The following CCDC158 variants were observed in gnomAD, a reference collection of about 807,000 sequenced individuals.
CCDC158 encodes coiled-coil domain containing 158.
CCDC158 carries 116 observed loss-of-function variants against 138.6 expected under a neutral mutation model. The observed-to-expected ratio is 0.84, with a 90% CI of 0.72 to 0.98. The LOEUF (loss-of-function observed/expected upper bound fraction) is 0.98. Among genes scored for constraint, CCDC158 ranks in the 50% least tolerant of loss-of-function variants. CCDC158 has a pLI of 0.00. For synonymous variants in CCDC158, 436 were observed against 442.4 expected, an observed-to-expected ratio of 0.99 and a Z score of 0.18; for missense variants, 1,265 against 1,306.1, an observed-to-expected ratio of 0.97 and a Z score of 0.48.
Position 76,371,392 on chromosome 4 carries a change from T to C in CCDC158, c.1149+25A>G, listed in dbSNP as rs201249064. ...GAAAAACTTCCCAGAATTAGTCTTATTCATATTTTAAAGCATAATCTTACC... is the reference window on the plus strand; with the variant it reads ...GAAAAACTTCCCAGAATTAGTCTTACTCATATTTTAAAGCATAATCTTACC... On this transcript the variant is annotated intron_variant, in intron 10 of 24. Coordinates refer to ENST00000682701, the MANE Select transcript of CCDC158 (RefSeq NM_001394954.1). 69 of 1,610,004 alleles carry C rather than the reference T, an allele frequency of 4.3e-5. 1 individual carries two copies. The highest frequency in any genetic ancestry group is 1.7e-4 in the Middle Eastern group (1 of 6,054).
chr4:76,364,152 G>T (rs938286257), intron 12 of CCDC158, among the ~76,000 whole-genome samples: 10 of 152,148 alleles, frequency 6.6e-5, no homozygotes, highest in Non-Finnish European at 1.2e-4. Context: ...TTCTCTGTTA[G>T]AGGCACTACC....
At chr4:76,386,633 C>A (rs1015842904) in intron 4 of CCDC158, among the ~76,000 whole-genome samples, 1 of 152,178 alleles carries the variant, frequency 6.6e-6, no homozygotes, top group Non-Finnish European at 1.5e-5. Context: ...ACCTGGACAC[C>A]CTCCACCATT....
chr4:76,329,040 A>G, intron 21 of CCDC158, 73 bp from the exon 22 acceptor site: 4 of 1,196,610 alleles, frequency 3.3e-6, no homozygotes, highest in Non-Finnish European at 3.7e-6. Flanking sequence ...GATAGAAGCA[A>G]GTGAACACAG....
At chr4:76,421,654 A>C (rs1730135624), upstream of CCDC158, 2 of 150,724 alleles carry the variant, frequency 1.3e-5, no homozygotes, top group Non-Finnish European at 3.0e-5. Context: ...TCCTACTCTG[A>C]CACCCCCACC....
At chr4:76,355,230 C>G (rs1288198223) in intron 15 of CCDC158, 94 bp downstream of exon 15, 11 of 801,322 alleles carry the variant, frequency 1.4e-5, no homozygotes, top group Non-Finnish European at 2.4e-5. Flanking sequence ...TTCCTTTTCC[C>G]CTTGCACTTG....
At chr4:76,396,063 A>C (rs1727752106) in intron 4 of CCDC158, among the ~76,000 whole-genome samples, 1 of 152,240 alleles carries the variant, frequency 6.6e-6, no homozygotes, top group South Asian at 2.1e-4. Context: ...AATTATTTAA[A>C]AAAGAAAAAT....
At chr4:76,344,016 A>G (rs1369614167) in intron 18 of CCDC158, among the ~76,000 whole-genome samples, 4 of 152,150 alleles carry the variant, frequency 2.6e-5, no homozygotes, top group African/African-American at 9.7e-5. Context: ...CAATCAGGCA[A>G]AAGAAAGAAA....
intron 23 of CCDC158, among the ~76,000 whole-genome samples, chr4:76,324,174 G>C (rs577017277): frequency 6.6e-6 from 1 of 151,504 alleles, no homozygotes; most frequent in East Asian, 1.9e-4. Flanking sequence ...AAGAGAATGA[G>C]AAACAGTTTC....
At chr4:76,339,083 C>G (rs983812347) in intron 18 of CCDC158, among the ~76,000 whole-genome samples, 1 of 151,988 alleles carries the variant, frequency 6.6e-6, no homozygotes, top group Non-Finnish European at 1.5e-5. Context: ...TCCAATGAAA[C>G]CATGAAACCT....
rs77788163 is a variant in CCDC158, at chr4:76,369,411, T to C, written c.1347+15A>G. ...GAGATTGTTTGGCGATGGCACAGCC[T>C]GTGCAGGCACTGACCTGCCGCTCCA... is the stretch of plus-strand genomic sequence containing the variant. On this transcript the variant is annotated intron_variant, in intron 11 of 24. Coordinates refer to ENST00000682701, the MANE Select transcript of CCDC158 (RefSeq NM_001394954.1). The C allele has an allele frequency of 5.6e-3, 8,992 of 1,612,472 alleles. 410 individuals are homozygous for C. In the African/African-American group the frequency reaches 0.1, roughly 18 times the overall value.
chr4:76,365,667 T>C (rs1399182277), intron 12 of CCDC158, among the ~76,000 whole-genome samples: 2 of 152,192 alleles, frequency 1.3e-5, no homozygotes, highest in African/African-American at 2.4e-5. Context: ...AAGCTTTCAC[T>C]GGCCCTCTAG....
intron 7 of CCDC158, among the ~76,000 whole-genome samples, chr4:76,383,151 G>A (rs900370438): frequency 3.3e-5 from 5 of 152,148 alleles, no homozygotes; most frequent in Non-Finnish European, 4.4e-5. Flanking sequence ...ACTTTAGTCA[G>A]ACTCTTCTGA....
intron 18 of CCDC158, among the ~76,000 whole-genome samples, chr4:76,335,917 C>T (rs1302310089): frequency 6.7e-6 from 1 of 149,682 alleles, no homozygotes; most frequent in Non-Finnish European, 1.5e-5. Context: ...CGCGGTGGCT[C>T]ACACCTGTAA....
chr4:76,391,733 G>A (rs1727329546), intron 4 of CCDC158, among the ~76,000 whole-genome samples: 1 of 151,684 alleles, frequency 6.6e-6, no homozygotes, highest in African/African-American at 2.4e-5. Context: ...ACAGAATGTT[G>A]GTTTTTTGAG....
intron 18 of CCDC158, among the ~76,000 whole-genome samples, chr4:76,336,864 T>C (rs965818369): frequency 1.3e-5 from 2 of 152,230 alleles, no homozygotes; most frequent in Non-Finnish European, 2.9e-5. Context: ...TAACGCCGAC[T>C]GAGACTGAGC....
intron 9 of CCDC158, among the ~76,000 whole-genome samples, chr4:76,377,062 G>A (rs571162727): frequency 6.6e-5 from 10 of 152,112 alleles, no homozygotes; most frequent in Non-Finnish European, 1.3e-4. Flanking sequence ...AGATTTAAAT[G>A]CTTATAAAAA....
Position 76,395,803 on chromosome 4 carries a change from A to T in CCDC158, c.288+466T>A, listed in dbSNP as rs150697895. On this transcript the variant is annotated intron_variant, in intron 4 of 24. Transcript: ENST00000682701. ...AATATGCAATTGTAAAGCCAGTTTGATTCTACGTAATGTCCACTTGAAATT... is the reference window on the plus strand; with the variant it reads ...AATATGCAATTGTAAAGCCAGTTTGTTTCTACGTAATGTCCACTTGAAATT... Among the ~76,000 whole-genome samples, 1,437 of 152,304 alleles carry T rather than the reference A, an allele frequency of 9.4e-3. 73 individuals are homozygous for T. The highest frequency in any genetic ancestry group is 0.084 in the Admixed American group (1,291 of 15,288).
At chr4:76,362,751 C>T (rs571297163) in intron 12 of CCDC158, among the ~76,000 whole-genome samples, 1 of 152,332 alleles carries the variant, frequency 6.6e-6, no homozygotes, top group East Asian at 1.9e-4. Context: ...ACCTGGGCAC[C>T]TCAGTTACCT....
chr4:76,406,660 A>G (rs1241588366), intron 2 of CCDC158, among the ~76,000 whole-genome samples: 2 of 152,114 alleles, frequency 1.3e-5, no homozygotes, highest in African/African-American at 4.8e-5. Flanking sequence ...TAAAGCTAAA[A>G]ATTAAAATCA....
Sources: gnomAD v4.1 joint callset for allele counts (sites outside exome capture counted in the v4.1 genomes callset) on GRCh38, gnomAD v4.1.1 for gene constraint, MANE v1.5 for transcripts, NCBI Gene and HGNC (gene_info 2026-07-23, HGNC 2026-07-21) for gene names.